The following BMERB1 variants were observed in gnomAD, a reference collection of about 807,000 sequenced individuals.
BMERB1 encodes bMERB domain-containing protein 1.
Under a neutral mutation model 23.6 loss-of-function variants are expected in BMERB1, and 12 were observed. The ratio of observed to expected loss-of-function variants is 0.51; its 90% CI spans 0.33 to 0.82. BMERB1 has a LOEUF of 0.82. Ranked by LOEUF, BMERB1 falls within the 40% of genes least tolerant of loss-of-function variation. The pLI is 0.03. For synonymous variants in BMERB1, 122 were observed against 96.6 expected, an observed-to-expected ratio of 1.26 and a Z score of -1.54; for missense variants, 247 against 255.4, an observed-to-expected ratio of 0.97 and a Z score of 0.22.
At chr16:15,459,316 A>G (rs1335454539) in intron 1 of BMERB1, among the ~76,000 whole-genome samples, 1 of 152,084 alleles carries the variant, frequency 6.6e-6, no homozygotes, top group Non-Finnish European at 1.5e-5. Context: ...TACTCCAATC[A>G]ACAGGCAAAG....
chr16:15,580,428 T>G (rs2030978405), intron 3 of BMERB1, among the ~76,000 whole-genome samples: 1 of 151,932 alleles, frequency 6.6e-6, no homozygotes, highest in Non-Finnish European at 1.5e-5. Flanking sequence ...TAAGCCTCAC[T>G]GTGTATTTTA....
chr16:15,488,137 C>G (rs1434727709), intron 1 of BMERB1, among the ~76,000 whole-genome samples: 1 of 152,308 alleles, frequency 6.6e-6, no homozygotes, highest in Admixed American at 6.5e-5. Flanking sequence ...ACAGTATGGT[C>G]TCTGTCCCAG....
At chr16:15,461,592 G>A (rs185555008) in intron 1 of BMERB1, among the ~76,000 whole-genome samples, 34 of 152,160 alleles carry the variant, frequency 2.2e-4, no homozygotes, top group African/African-American at 8.0e-4. Flanking sequence ...TGTGGCAAGT[G>A]CTCAGACAGA....
At chr16:15,518,015 GTGGATGTGTGCGTGTGTGGATGTGGGTA>G (rs2051794146) in intron 2 of BMERB1, among the ~76,000 whole-genome samples, 1 of 151,814 alleles carries the variant, frequency 6.6e-6, no homozygotes, top group Non-Finnish European at 1.5e-5. Flanking sequence ...GTGTGTGGGT[GTGGATGTGTGCGTGTGTGGATGTGGGTA>G]TGGATGTATG....
chr16:15,487,193 T>C (rs577470765), intron 1 of BMERB1, among the ~76,000 whole-genome samples: 1 of 152,238 alleles, frequency 6.6e-6, no homozygotes, highest in African/African-American at 2.4e-5. Context: ...ACGGTACTTT[T>C]GATTTATAAC....
chr16:15,469,338 C>T (rs1331505960), intron 1 of BMERB1, among the ~76,000 whole-genome samples: 1 of 152,138 alleles, frequency 6.6e-6, no homozygotes, highest in Admixed American at 6.5e-5. Context: ...TCTGTTCCCT[C>T]AATCTATATG....
intron 5 of BMERB1, among the ~76,000 whole-genome samples, chr16:15,584,729 A>G (rs1006464074): frequency 6.6e-6 from 1 of 152,068 alleles, no homozygotes; most frequent in Non-Finnish European, 1.5e-5. Flanking sequence ...CTTTGCATGT[A>G]AGCATCATTT....
intron 1 of BMERB1, among the ~76,000 whole-genome samples, chr16:15,470,825 C>CTTTTTTT (rs35873574): frequency 2.0e-5 from 1 of 49,336 alleles, no homozygotes; most frequent in Non-Finnish European, 3.9e-5. Flanking sequence ...CACCTGGCCT[C>CTTTTTTT]TTTTTTTTTT....
intron 1 of BMERB1, among the ~76,000 whole-genome samples, chr16:15,476,784 C>T (rs117361552): frequency 0.011 from 1,674 of 152,220 alleles, 23 homozygotes; most frequent in Non-Finnish European, 0.013. Flanking sequence ...AATCAGGGTA[C>T]CACCTTCTTC....
chr16:15,543,161 CT>C (rs1168558461), intron 2 of BMERB1, among the ~76,000 whole-genome samples: 1 of 152,044 alleles, frequency 6.6e-6, no homozygotes, highest in Non-Finnish European at 1.5e-5. Flanking sequence ...TAATCTTCCC[CT>C]GGAGTTCAGC....
chr16:15,455,991 GGA>G (rs1168259067), intron 1 of BMERB1, among the ~76,000 whole-genome samples: 4 of 152,170 alleles, frequency 2.6e-5, no homozygotes, highest in African/African-American at 9.7e-5. Context: ...GAGACTTAAG[GGA>G]GTGAAGTAAT....
chr16:15,533,425 T>C (rs943671651), intron 2 of BMERB1, among the ~76,000 whole-genome samples: 1 of 151,300 alleles, frequency 6.6e-6, no homozygotes, highest in Non-Finnish European at 1.5e-5. Context: ...AGATAGAGTC[T>C]ATTGTGTTGC....
intron 1 of BMERB1, among the ~76,000 whole-genome samples, chr16:15,483,986 G>A (rs1347521273): frequency 6.6e-6 from 1 of 152,150 alleles, no homozygotes; most frequent in Non-Finnish European, 1.5e-5. Context: ...TTCTGGTGAG[G>A]GGCCCAAGAA....
chr16:15,553,578 G>A (rs979841664), intron 2 of BMERB1, among the ~76,000 whole-genome samples: 1 of 152,234 alleles, frequency 6.6e-6, no homozygotes, highest in African/African-American at 2.4e-5. Context: ...GAATGGACAT[G>A]ACTTCGTTCC....
At chr16:15,534,256 C>T (rs1239554863) in intron 2 of BMERB1, among the ~76,000 whole-genome samples, 4 of 135,644 alleles carry the variant, frequency 2.9e-5, no homozygotes, top group Non-Finnish European at 3.1e-5. Context: ...AGCCACAGCC[C>T]TGCAAAGACC....
At chr16:15,467,044 T>C (rs955159378) in intron 1 of BMERB1, among the ~76,000 whole-genome samples, 1 of 152,222 alleles carries the variant, frequency 6.6e-6, no homozygotes, top group Non-Finnish European at 1.5e-5. Flanking sequence ...TCCTTTTCAT[T>C]GCCAAGTAAT....
intron 2 of BMERB1, among the ~76,000 whole-genome samples, chr16:15,533,637 G>A (rs2051991960): frequency 6.6e-6 from 1 of 152,170 alleles, no homozygotes; most frequent in Non-Finnish European, 1.5e-5. Flanking sequence ...CTCCTGGGAT[G>A]CAGAGAGATT....
chr16:15,440,045 GGCCA>G (rs1002683732), intron 1 of BMERB1, among the ~76,000 whole-genome samples: 1 of 151,890 alleles, frequency 6.6e-6, no homozygotes, highest in Non-Finnish European at 1.5e-5. Context: ...AGCAGTTCGA[GGCCA>G]GCTGTCCCAA....
At chr16:15,537,485 CG>C (rs1043429229) in intron 2 of BMERB1, among the ~76,000 whole-genome samples, 4 of 150,580 alleles carry the variant, frequency 2.7e-5, no homozygotes, top group African/African-American at 9.8e-5. Flanking sequence ...TCCCCAGTAG[CG>C]GGGATTACAG....
Sources: gnomAD v4.1 joint callset for allele counts (sites outside exome capture counted in the v4.1 genomes callset) on GRCh38, gnomAD v4.1.1 for gene constraint, MANE v1.5 for transcripts, NCBI Gene and HGNC (gene_info 2026-07-23, HGNC 2026-07-21) for gene names.